Variants in CIDEA observed in about 807,000 individuals in gnomAD.
The protein encoded by CIDEA is cell death inducing DFFA like effector a, also known as lipid transferase CIDEA.
In CIDEA, 10 loss-of-function variants were observed where a neutral mutation model predicts 18.2. The ratio of observed to expected loss-of-function variants is 0.55; its 90% CI spans 0.34 to 0.93. CIDEA has a LOEUF of 0.93. Ranked by LOEUF, CIDEA falls within the 40% of genes least tolerant of loss-of-function variation. CIDEA has a pLI of 0.02. For missense variants in CIDEA, 309 were observed against 293.1 expected (o/e 1.05, Z -0.40); for synonymous variants, 128 against 124.8 (o/e 1.03, Z -0.17).
chr18:12,274,791 C>A (rs1243760820), intron 4 of CIDEA, among the ~76,000 whole-genome samples: 1 of 152,192 alleles, frequency 6.6e-6, no homozygotes, highest in Non-Finnish European at 1.5e-5. Flanking sequence ...CACAGCATCC[C>A]AGGAAACAGA....
At position 12,262,805 on chromosome 18, in the gene CIDEA, C is replaced by T; in HGVS notation, c.39-20C>T. ...GACAGACTCTTTTTAAAAAGTTTTACTTTTCACCTCCATTTTCAGGCCCCT... is the reference window on the plus strand; with the variant it reads ...GACAGACTCTTTTTAAAAAGTTTTATTTTTCACCTCCATTTTCAGGCCCCT... On this transcript the variant is annotated intron_variant, in intron 1 of 4. Coordinates refer to ENST00000320477, the MANE Select transcript of CIDEA (RefSeq NM_001279.4). 6.2e-7 allele frequency: 1 copy of T among 1,603,928 alleles called. No individual in the cohort carries two copies. The highest frequency in any genetic ancestry group is 8.5e-7 in the Non-Finnish European group (1 of 1,171,762).
At chr18:12,255,274 G>T (rs1243871125) in intron 1 of CIDEA, among the ~76,000 whole-genome samples, 3 of 152,240 alleles carry the variant, frequency 2.0e-5, no homozygotes, top group Admixed American at 6.5e-5. Context: ...TTGCGGGCTT[G>T]AAGGTGCAGG....
chr18:12,271,906 C>T (rs1156295878), intron 3 of CIDEA, among the ~76,000 whole-genome samples: 1 of 152,190 alleles, frequency 6.6e-6, no homozygotes, highest in Non-Finnish European at 1.5e-5. Context: ...CCCAGCGGAT[C>T]CGCGGCGGGA....
At chr18:12,277,037 T>TG in intron 4 of CIDEA, 86 bp from the exon 5 acceptor site, 3 of 1,478,582 alleles carry the variant, frequency 2.0e-6, no homozygotes, top group Non-Finnish European at 1.9e-6. Flanking sequence ...TGCCTTTTGG[T>TG]GGGGGGAGTG....
At chr18:12,268,196 C>T (rs935807539) in intron 3 of CIDEA, among the ~76,000 whole-genome samples, 2 of 134,386 alleles carry the variant, frequency 1.5e-5, no homozygotes, top group African/African-American at 5.5e-5. Flanking sequence ...TCCTGAGTAG[C>T]TGGGATTACA....
At chr18:12,272,147 TGTGGGGGG>T (rs1912555473) in intron 3 of CIDEA, among the ~76,000 whole-genome samples, 1 of 1,476 alleles carries the variant, frequency 6.8e-4, no homozygotes, top group Non-Finnish European at 1.5e-3. Flanking sequence ...TGAGTGTGTG[TGTGGGGGG>T]GGGGGGTTGG....
Position 12,263,031 on chromosome 18 carries a change from A to G in CIDEA, c.183+62A>G, listed in dbSNP as rs1271519747. On this transcript the variant is annotated intron_variant, in intron 2 of 4. Transcript: ENST00000320477. ...GGGTGCCCTGCACTCACACAGGGCC[A>G]TGGTCTTGGGCTCTAAGCCAGGGCC... is the stretch of plus-strand genomic sequence containing the variant. 5.1e-6 allele frequency: 8 copies of G among 1,554,630 alleles called. No individual in the cohort carries two copies. In the East Asian group the frequency reaches 1.6e-4, roughly 31 times the overall value.
At chr18:12,264,277 C>G in intron 2 of CIDEA, 30 bp from the exon 3 acceptor site, 1 of 1,539,062 alleles carries the variant, frequency 6.5e-7, no homozygotes, top group Non-Finnish European at 8.8e-7. Flanking sequence ...CCTGGCTTCA[C>G]TCCATTTCTC....
chr18:12,275,749 T>G (rs924753391), intron 4 of CIDEA, among the ~76,000 whole-genome samples: 10 of 152,130 alleles, frequency 6.6e-5, no homozygotes, highest in African/African-American at 2.4e-4. Flanking sequence ...TGGCCTCAGT[T>G]TCCCATTCAG....
intron 1 of CIDEA, among the ~76,000 whole-genome samples, chr18:12,255,481 C>A (rs1029670485): frequency 6.6e-6 from 1 of 152,146 alleles, no homozygotes. Context: ...CAAGTCGGGG[C>A]GGTGGCAGGG....
chr18:12,258,517 G>C lies in CIDEA; in HGVS notation c.38+4096G>C, dbSNP rs147466542. Among the ~76,000 whole-genome samples, 850 of 152,352 alleles carry C rather than the reference G, an allele frequency of 5.6e-3. 9 individuals are homozygous for C. The highest frequency in any genetic ancestry group is 0.02 in the African/African-American group (826 of 41,576). ...TGGGAAAGTAGGAGATGCACCGCCA[G>C]ACTCCGTGAGACAGATGCTAGAGGC... On this transcript the variant is annotated intron_variant, in intron 1 of 4. Transcript: ENST00000320477.
intron 1 of CIDEA, among the ~76,000 whole-genome samples, chr18:12,261,231 A>C (rs1912181459): frequency 6.6e-6 from 1 of 152,138 alleles, no homozygotes; most frequent in Non-Finnish European, 1.5e-5. Flanking sequence ...AAATATACAA[A>C]AAATTAGCTG....
intron 1 of CIDEA, among the ~76,000 whole-genome samples, chr18:12,258,061 C>T (rs1381039519): frequency 6.6e-6 from 1 of 152,222 alleles, no homozygotes; most frequent in Non-Finnish European, 1.5e-5. Context: ...TCACTCACCT[C>T]CTCCTTGACA....
chr18:12,254,535 C>T (rs551930288), intron 1 of CIDEA, 114 bp downstream of exon 1: 2 of 1,473,474 alleles, frequency 1.4e-6, no homozygotes, highest in African/African-American at 1.4e-5. Flanking sequence ...CAGCCCCCTG[C>T]TCCCCGCATT....
chr18:12,270,579 C>T (rs1238718457), intron 3 of CIDEA, among the ~76,000 whole-genome samples: 2 of 150,152 alleles, frequency 1.3e-5, no homozygotes, highest in African/African-American at 2.5e-5. Flanking sequence ...ATCCCAGCTA[C>T]TTGGGAGGTT....
At chr18:12,273,724 G>A (rs915052369) in intron 3 of CIDEA, among the ~76,000 whole-genome samples, 2 of 152,308 alleles carry the variant, frequency 1.3e-5, no homozygotes, top group Non-Finnish European at 2.9e-5. Context: ...TTACAGTGAT[G>A]AGATGAGATT....
chr18:12,277,390 C>A lies in CIDEA; in HGVS notation c.*120C>A. 8.9e-7 allele frequency: 1 copy of A among 1,127,176 alleles called. No homozygotes were observed. Among genetic ancestry groups the A allele is most frequent in the Non-Finnish European group, 1.3e-6 (1 of 791,998 alleles). 69.8% of individuals were successfully genotyped at this position (1,127,176 alleles called of 1,614,324 possible). On this transcript the variant is annotated 3_prime_UTR_variant, in exon 5 of 5. Coordinates refer to ENST00000320477, the MANE Select transcript of CIDEA (RefSeq NM_001279.4). The stretch of plus-strand genomic sequence containing the variant: ...CACTTGGAGGCCGCTGGTCACGCTG[C>A]TCAGGAGTGGTGCCCAGAAAAGGAA...
intron 3 of CIDEA, among the ~76,000 whole-genome samples, chr18:12,271,437 C>A (rs929314287): frequency 6.6e-6 from 1 of 152,258 alleles, no homozygotes; most frequent in Non-Finnish European, 1.5e-5. Flanking sequence ...CGGGCCTGCC[C>A]CGCAGCCCCC....
chr18:12,271,053 C>T (rs899417789), intron 3 of CIDEA, among the ~76,000 whole-genome samples: 2 of 152,016 alleles, frequency 1.3e-5, no homozygotes, highest in East Asian at 2.0e-4. Flanking sequence ...CGCCCACCAC[C>T]ACGCCCGGCT....
Sources: allele counts gnomAD v4.1 joint callset (sites outside exome capture counted in the v4.1 genomes callset), GRCh38; gene constraint gnomAD v4.1.1; transcripts MANE v1.5; gene names NCBI Gene and HGNC (gene_info 2026-07-23, HGNC 2026-07-21).